Variants in LIN9 observed in about 807,000 individuals in gnomAD.
LIN9 encodes protein lin-9 homolog.
LIN9 carries 18 observed loss-of-function variants against 78.0 expected under a neutral mutation model. The ratio of observed to expected loss-of-function variants is 0.23; its 90% CI spans 0.16 to 0.34. The LOEUF is 0.34. Ranked by LOEUF, LIN9 falls within the 10% of genes least tolerant of loss-of-function variation. LIN9 has a pLI of 1.00. For synonymous variants in LIN9, 192 were observed against 215.2 expected (o/e 0.89, Z 0.94); for missense variants, 451 against 644.1 (o/e 0.70, Z 3.25).
At chr1:226,279,059 G>C (rs1252058197) in intron 6 of LIN9, among the ~76,000 whole-genome samples, 1 of 152,098 alleles carries the variant, frequency 6.6e-6, no homozygotes, top group African/African-American at 2.4e-5. Flanking sequence ...TACTTGGGAG[G>C]CTGAGGCAGG....
chr1:226,273,534 T>G (rs1209875430), intron 7 of LIN9, among the ~76,000 whole-genome samples: 1 of 152,158 alleles, frequency 6.6e-6, no homozygotes, highest in Non-Finnish European at 1.5e-5. Flanking sequence ...CATGAGCCAC[T>G]GTACCTGGCC....
chr1:226,282,372 T>C (rs1214590441), intron 6 of LIN9, among the ~76,000 whole-genome samples: 2 of 152,224 alleles, frequency 1.3e-5, no homozygotes, highest in Non-Finnish European at 2.9e-5. Flanking sequence ...ATCAAGGCAA[T>C]GGAAATTTGT....
intron 11 of LIN9, among the ~76,000 whole-genome samples, chr1:226,240,442 G>A (rs563636126): frequency 6.7e-6 from 1 of 149,616 alleles, no homozygotes; most frequent in African/African-American, 2.5e-5. Flanking sequence ...AGGCTGGAGT[G>A]CAATGACGTG....
chr1:226,271,079 A>G (rs1183383070), intron 7 of LIN9, among the ~76,000 whole-genome samples: 1 of 152,028 alleles, frequency 6.6e-6, no homozygotes, highest in East Asian at 1.9e-4. Context: ...CTTTTTTAAC[A>G]CTCTCATTTC....
chr1:226,266,896 C>T (rs944222236), intron 8 of LIN9, among the ~76,000 whole-genome samples: 2 of 151,778 alleles, frequency 1.3e-5, no homozygotes, highest in African/African-American at 4.8e-5. Flanking sequence ...TCTCCTGCCT[C>T]AGCCTCCCAA....
chr1:226,240,879 T>C (rs1463434521), intron 11 of LIN9, among the ~76,000 whole-genome samples: 1 of 152,204 alleles, frequency 6.6e-6, no homozygotes, highest in Non-Finnish European at 1.5e-5. Flanking sequence ...AAGGATTTCA[T>C]TGAATCCTCA....
chr1:226,278,510 T>C (rs1271151747), intron 6 of LIN9, among the ~76,000 whole-genome samples: 1 of 151,734 alleles, frequency 6.6e-6, no homozygotes, highest in Non-Finnish European at 1.5e-5. Flanking sequence ...TTAAGTATAC[T>C]GTATTCAAAA....
chr1:226,254,534 T>C (rs2102877063), intron 10 of LIN9, among the ~76,000 whole-genome samples: 1 of 152,278 alleles, frequency 6.6e-6, no homozygotes, highest in South Asian at 2.1e-4. Flanking sequence ...ACATAGACTT[T>C]CAGTTTACAG....
intron 11 of LIN9, among the ~76,000 whole-genome samples, chr1:226,243,082 C>T (rs1485158019): frequency 1.3e-5 from 2 of 152,124 alleles, no homozygotes; most frequent in Non-Finnish European, 2.9e-5. Context: ...TGACTGCTGG[C>T]GGGGGTTGCA....
chr1:226,275,981 T>C (rs1660632575), intron 7 of LIN9, among the ~76,000 whole-genome samples: 1 of 148,490 alleles, frequency 6.7e-6, no homozygotes, highest in Non-Finnish European at 1.5e-5. Flanking sequence ...TGAGCCGAGA[T>C]CACACCACTG....
Position 226,238,964 on chromosome 1 carries a change from C to T in LIN9, c.1245+7G>A, listed in dbSNP as rs770235568. 40 of 1,609,970 alleles carry T rather than the reference C, an allele frequency of 2.5e-5. No homozygotes were observed. In the South Asian group the frequency reaches 4.4e-4, roughly 18 times the overall value. Reference sequence around the variant, plus strand: ...AATATGGAGGGAAATCTATACATATCACTTACCTCATAGCAATACTGTTGA... The same window carrying T: ...AATATGGAGGGAAATCTATACATATTACTTACCTCATAGCAATACTGTTGA... On this transcript the variant is annotated splice_region_variant and intron_variant, in intron 12 of 14. Transcript: ENST00000681046.
At position 226,232,489 on chromosome 1, in the gene LIN9, T is replaced by G; in HGVS notation, c.*12A>C. On this transcript the variant is annotated 3_prime_UTR_variant, in exon 15 of 15. Transcript: ENST00000681046. ...ACAATGTCCCGTGCAGTTGGAATAATGAAATCTTTACTCAGTCTCTGTTGG... is the reference window on the plus strand; with the variant it reads ...ACAATGTCCCGTGCAGTTGGAATAAGGAAATCTTTACTCAGTCTCTGTTGG... 2 of 1,575,170 alleles carry G rather than the reference T, an allele frequency of 1.3e-6. No homozygotes were observed. Among genetic ancestry groups the G allele is most frequent in the Non-Finnish European group, 1.7e-6 (2 of 1,146,850 alleles).
intron 8 of LIN9, among the ~76,000 whole-genome samples, chr1:226,267,467 T>C (rs938385032): frequency 1.4e-5 from 2 of 143,852 alleles, no homozygotes; most frequent in Admixed American, 7.0e-5. Flanking sequence ...CTCAGCCTAA[T>C]AGGAAACCAG....
intron 11 of LIN9, among the ~76,000 whole-genome samples, chr1:226,241,813 G>A (rs148665033): frequency 3.3e-5 from 5 of 151,724 alleles, no homozygotes; most frequent in East Asian, 1.9e-4. Context: ...AACTGAGATC[G>A]CGCCACTGCA....
chr1:226,282,079 T>C (rs2102957622), intron 6 of LIN9, among the ~76,000 whole-genome samples: 2 of 152,362 alleles, frequency 1.3e-5, no homozygotes, highest in East Asian at 1.9e-4. Flanking sequence ...CTCAAATAGC[T>C]ACAGTATGCA....
intron 4 of LIN9, among the ~76,000 whole-genome samples, chr1:226,294,868 C>T (rs1662039534): frequency 6.6e-6 from 1 of 151,028 alleles, no homozygotes; most frequent in South Asian, 2.1e-4. Context: ...GGCATGATCT[C>T]GGCTCACTGC....
rs1478677974 is a variant in LIN9 at position 226,301,164 on chromosome 1, ACTT to A, written c.64+6_64+8del. 2 of 1,595,724 alleles carry A rather than the reference ACTT, an allele frequency of 1.3e-6. No individual in the cohort carries two copies. Among genetic ancestry groups the A allele is most frequent in the Non-Finnish European group, 1.7e-6 (2 of 1,172,992 alleles). On this transcript the variant is annotated splice_donor_region_variant and intron_variant, in intron 2 of 14. Coordinates refer to ENST00000681046, the MANE Select transcript of LIN9 (RefSeq NM_001366245.2). The stretch of plus-strand genomic sequence containing the variant: ...GCTATGGTATACCTAAAAATGCTAT[ACTT>A]CTTACCTTTTAAACTGACAAGGGCT...
At chr1:226,298,185 G>T (rs1662274393) in intron 2 of LIN9, among the ~76,000 whole-genome samples, 1 of 152,194 alleles carries the variant, frequency 6.6e-6, no homozygotes. Context: ...TTCTAACCTT[G>T]AATTTAGAGC....
At chr1:226,232,804 G>A (rs1306727841) in intron 14 of LIN9, 198 bp from the exon 15 acceptor site, 4 of 497,262 alleles carry the variant, frequency 8.0e-6, no homozygotes, top group Non-Finnish European at 1.4e-5. Context: ...AAGGAGCCAC[G>A]GGGGGCTGGA....
Sources: gnomAD v4.1 joint callset for allele counts (sites outside exome capture counted in the v4.1 genomes callset) on GRCh38, gnomAD v4.1.1 for gene constraint, MANE v1.5 for transcripts, NCBI Gene and HGNC (gene_info 2026-07-23, HGNC 2026-07-21) for gene names.